The following TPRG1 variants were observed in gnomAD, a reference collection of about 807,000 sequenced individuals.
The protein encoded by TPRG1 is tumor protein p63-regulated gene 1 protein.
A neutral mutation model predicts 29.3 loss-of-function variants in TPRG1; 29 were observed. That is an observed-to-expected ratio of 0.99 (90% CI 0.74 to 1.35). The LOEUF is 1.35. Among genes scored for constraint, TPRG1 ranks in the 40% most tolerant of loss-of-function variants. The probability of loss-of-function intolerance (pLI) is 0.00; values close to 1 mark genes in which losing one functional copy is unlikely to be tolerated. For missense variants in TPRG1, 327 were observed against 335.0 expected (o/e 0.98, Z 0.19); for synonymous variants, 130 against 116.8 (o/e 1.11, Z -0.73).
Position 189,216,738 on chromosome 3 carries a change from T to G in TPRG1, c.302+1355T>G, listed in dbSNP as rs1021551252. On this transcript the variant is annotated intron_variant, in intron 3 of 5. Transcript: ENST00000345063. ...CCATCTCTGTCATTTCTGGGTTACCTCTAATGAAAAGAAAACTCTGCAATT... is the reference window on the plus strand; with the variant it reads ...CCATCTCTGTCATTTCTGGGTTACCGCTAATGAAAAGAAAACTCTGCAATT... 2.0e-5 allele frequency among the ~76,000 whole-genome samples: 3 copies of G among 152,214 alleles called. No homozygotes were observed. The South Asian group carries it at 6.2e-4, about 31-fold the overall frequency.
At chr3:189,263,864 A>G (rs541292430) in intron 4 of TPRG1, among the ~76,000 whole-genome samples, 1 of 152,278 alleles carries the variant, frequency 6.6e-6, no homozygotes, top group Admixed American at 6.5e-5. Flanking sequence ...TGACTTCTTG[A>G]GAAGTATTTC....
rs989740196 is a variant in TPRG1 at position 189,302,954 on chromosome 3, G to A, written c.480-7432G>A. Among the ~76,000 whole-genome samples, 3 of 152,208 alleles carry A rather than the reference G, an allele frequency of 2.0e-5. 1 individual carries two copies. Among genetic ancestry groups the A allele is most frequent in the Non-Finnish European group, 4.4e-5 (3 of 68,028 alleles). On this transcript the variant is annotated intron_variant, in intron 4 of 5. Transcript: ENST00000345063. Reference sequence around the variant, plus strand: ...CAGCAAGAAATGGCAGCCTGATGGTGATGGAGGAGACAGCTGACATAAGAA... The same window carrying A: ...CAGCAAGAAATGGCAGCCTGATGGTAATGGAGGAGACAGCTGACATAAGAA...
intron 2 of TPRG1, among the ~76,000 whole-genome samples, chr3:189,208,773 A>C (rs1420885883): frequency 6.6e-6 from 1 of 152,252 alleles, no homozygotes; most frequent in Non-Finnish European, 1.5e-5. Context: ...AAGGAAATCA[A>C]AGCATCTCTT....
At position 189,023,101 on chromosome 3, in the gene TPRG1, G is replaced by A. The variant is rs1269495989; in HGVS notation, c.-659-649G>A. Among the ~76,000 whole-genome samples, 14 of 152,330 alleles carry A rather than the reference G, an allele frequency of 9.2e-5. No individual in the cohort carries two copies. The South Asian group carries it at 1.0e-3, about 11-fold the overall frequency. On this transcript the variant is annotated intron_variant, in intron 3 of 10. Transcript: ENST00000433971. ...CTGCTTTGGCTCGCGCATGGTGCGC[G>A]CACCCACTGACCTGCGCCCACTGTC...
chr3:189,200,576 TC>T (rs1733308964), intron 1 of TPRG1, among the ~76,000 whole-genome samples: 1 of 152,188 alleles, frequency 6.6e-6, no homozygotes, highest in Admixed American at 6.5e-5. Context: ...TAACTCCTGA[TC>T]TTCCTTCCTA....
intron 4 of TPRG1, among the ~76,000 whole-genome samples, chr3:189,051,906 A>C (rs1234775339): frequency 6.6e-6 from 1 of 152,194 alleles, no homozygotes; most frequent in Non-Finnish European, 1.5e-5. Flanking sequence ...AGGAGAATGA[A>C]ACTGGATCCT....
intron 1 of TPRG1, among the ~76,000 whole-genome samples, chr3:189,184,918 C>G (rs1730715481): frequency 6.6e-6 from 1 of 152,112 alleles, no homozygotes; most frequent in Non-Finnish European, 1.5e-5. Context: ...GCTTATAGTT[C>G]CCTTGGAGAT....
intron 4 of TPRG1, among the ~76,000 whole-genome samples, chr3:189,090,194 G>A (rs192722411): frequency 7.2e-5 from 11 of 152,006 alleles, no homozygotes; most frequent in South Asian, 2.1e-4. Flanking sequence ...AAATTTTGAC[G>A]CATAGTATTC....
chr3:189,310,234 C>A (rs1418034362), intron 4 of TPRG1, 152 bp from the exon 5 acceptor site: 1 of 543,064 alleles, frequency 1.8e-6, no homozygotes, highest in East Asian at 3.3e-5. Context: ...ATTTTTAAAA[C>A]CTAATTCACC....
chr3:189,078,405 G>C (rs917158905), intron 4 of TPRG1, among the ~76,000 whole-genome samples: 18 of 151,922 alleles, frequency 1.2e-4, no homozygotes, highest in Non-Finnish European at 2.6e-4. Context: ...CCAAAGTGCT[G>C]GGATTACAGG....
At chr3:189,177,545 G>T (rs1427765265) in intron 1 of TPRG1, among the ~76,000 whole-genome samples, 1 of 150,512 alleles carries the variant, frequency 6.6e-6, no homozygotes, top group East Asian at 1.9e-4. Context: ...TATATATATG[G>T]TATTCACAGC....
At chr3:189,103,283 T>C (rs1217961572) in intron 1 of TPRG1, among the ~76,000 whole-genome samples, 1 of 152,188 alleles carries the variant, frequency 6.6e-6, no homozygotes, top group Non-Finnish European at 1.5e-5. Context: ...AGAGTCTATG[T>C]ATCCCCCAAA....
intron 4 of TPRG1, among the ~76,000 whole-genome samples, chr3:189,296,829 T>C (rs1400280956): frequency 1.3e-5 from 2 of 152,108 alleles, no homozygotes; most frequent in South Asian, 4.1e-4. Flanking sequence ...ATTTGAATAA[T>C]CTTCAAACAA....
At chr3:189,025,701 G>C (rs1713620721) in intron 4 of TPRG1, among the ~76,000 whole-genome samples, 1 of 152,210 alleles carries the variant, frequency 6.6e-6, no homozygotes, top group South Asian at 2.1e-4. Context: ...TGCTGACACT[G>C]AGAGGAAAGA....
At chr3:189,261,414 T>TAA (rs112785951) in intron 4 of TPRG1, among the ~76,000 whole-genome samples, 1 of 140,702 alleles carries the variant, frequency 7.1e-6, no homozygotes. Context: ...GGTCTTTGCT[T>TAA]AAAAAAAAAA....
chr3:189,096,085 A>G (rs1172700668), upstream of TPRG1, among the ~76,000 whole-genome samples: 1 of 152,232 alleles, frequency 6.6e-6, no homozygotes, highest in Non-Finnish European at 1.5e-5. Flanking sequence ...TTTCATGTGC[A>G]CATTAATCTT....
intron 4 of TPRG1, among the ~76,000 whole-genome samples, chr3:189,259,126 T>C (rs1188451155): frequency 2.6e-5 from 4 of 152,102 alleles, no homozygotes; most frequent in Non-Finnish European, 4.4e-5. Context: ...GCTCTGGTGG[T>C]GTAGGCACCT....
chr3:189,054,214 G>A (rs1042298768), intron 4 of TPRG1, among the ~76,000 whole-genome samples: 36 of 152,086 alleles, frequency 2.4e-4, no homozygotes, highest in Admixed American at 5.2e-4. Flanking sequence ...TCAAAGAGGA[G>A]AGAGTCCTAA....
intron 3 of TPRG1, among the ~76,000 whole-genome samples, chr3:189,234,702 C>G (rs1473184994): frequency 6.6e-6 from 1 of 152,176 alleles, no homozygotes; most frequent in African/African-American, 2.4e-5. Context: ...GTTTTGGATA[C>G]TACAACCTTG....
Sources: gnomAD v4.1 joint callset for allele counts (sites outside exome capture counted in the v4.1 genomes callset) on GRCh38, gnomAD v4.1.1 for gene constraint, MANE v1.5 for transcripts, NCBI Gene and HGNC (gene_info 2026-07-23, HGNC 2026-07-21) for gene names.